ERCC5: variants seen among roughly 807,000 people sequenced by gnomAD.
ERCC5 encodes the protein ERCC excision repair 5, endonuclease.
In ERCC5, 68 loss-of-function variants were observed where a neutral mutation model predicts 105.6. The observed-to-expected ratio is 0.64, with a 90% CI of 0.53 to 0.79. The LOEUF (loss-of-function observed/expected upper bound fraction) is 0.79. Among genes scored for constraint, ERCC5 ranks in the 30% least tolerant of loss-of-function variants. The probability of loss-of-function intolerance (pLI) is 0.00; values close to 1 mark genes in which losing one functional copy is unlikely to be tolerated. For synonymous variants in ERCC5, 546 were observed against 526.2 expected, an observed-to-expected ratio of 1.04 and a Z score of -0.51; for missense variants, 1,373 against 1,426.7, an observed-to-expected ratio of 0.96 and a Z score of 0.61.
intron 4 of ERCC5, among the ~76,000 whole-genome samples, chr13:102,855,706 A>G (rs1435585380): frequency 6.6e-6 from 1 of 152,176 alleles, no homozygotes; most frequent in Non-Finnish European, 1.5e-5. Flanking sequence ...ACTCTTCTCC[A>G]TGAACCTTCC....
intron 1 of ERCC5, among the ~76,000 whole-genome samples, chr13:102,847,870 G>C (rs1882037541): frequency 6.6e-6 from 1 of 152,180 alleles, no homozygotes; most frequent in Non-Finnish European, 1.5e-5. Flanking sequence ...AATTACTAAA[G>C]AGGACTGTGG....
chr13:102,861,175 G>T (rs907963759), intron 6 of ERCC5, among the ~76,000 whole-genome samples: 4 of 151,952 alleles, frequency 2.6e-5, no homozygotes, highest in African/African-American at 9.7e-5. Flanking sequence ...TTTTAGTAGA[G>T]ACAGGGTTTC....
At position 102,865,596 on chromosome 13, in the gene ERCC5, A is replaced by C; in HGVS notation, c.1955-71A>C. The stretch of plus-strand genomic sequence containing the variant: ...TAGCATTTTTCAGGTTCCTCCAGAA[A>C]GCTCTTGATGATTGCAGGATCATTT... On this transcript the variant is annotated intron_variant, in intron 8 of 14. Transcript: ENST00000652225. This position sits in a 1 kb window ranked among gnomAD's most constrained non-coding sequence, Gnocchi z 4.0. 6.3e-7 allele frequency: 1 copy of C among 1,592,504 alleles called. No homozygotes were observed. The highest frequency in any genetic ancestry group is 8.5e-7 in the Non-Finnish European group (1 of 1,169,622).
Position 102,858,330 on chromosome 13 carries a change from G to C in ERCC5, c.584G>C (p.Ser195Thr), listed in dbSNP as rs896939538. The change falls in exon 6 of 15, where the codon AGC becomes ACC. Residue 195 changes from serine to threonine, a missense_variant. Physicochemically the swap from Ser to Thr is moderately conservative, Grantham distance 58. This residue lies in a region of ERCC5 where 1,004 missense variants were observed against 1,059.7 expected (regional missense o/e 0.95). Transcript: ENST00000652225. ...GATATTGAGTCTGAGGACTTCAGCA[G>C]CCTGCCCCCTGAAGTAAAGCATGAA... ...AIDIESEDFS[S>T]LPPEVKHEIL... 5 of 1,614,108 alleles carry C rather than the reference G, an allele frequency of 3.1e-6. No individual in the cohort carries two copies. The highest frequency in any genetic ancestry group is 3.3e-5 in the Admixed American group (2 of 60,026).
At chr13:102,851,851 G>C (rs1882218200) in intron 1 of ERCC5, among the ~76,000 whole-genome samples, 1 of 151,322 alleles carries the variant, frequency 6.6e-6, no homozygotes, top group Non-Finnish European at 1.5e-5. Context: ...TTTTAAAGAA[G>C]CAATTCTTTG....
chr13:102,869,754 A>G (rs1299453347), intron 12 of ERCC5, among the ~76,000 whole-genome samples: 4 of 152,208 alleles, frequency 2.6e-5, no homozygotes, highest in South Asian at 2.1e-4. Context: ...TTCTTATCTA[A>G]TGATTATTTT....
At chr13:102,870,377 C>T (rs1471441988) in intron 12 of ERCC5, among the ~76,000 whole-genome samples, 2 of 152,126 alleles carry the variant, frequency 1.3e-5, no homozygotes, top group Non-Finnish European at 2.9e-5. Flanking sequence ...ACAGCAGTTC[C>T]CCTCCCCTAC....
intron 5 of ERCC5, among the ~76,000 whole-genome samples, chr13:102,857,554 A>T (rs1399935264): frequency 6.6e-6 from 1 of 152,212 alleles, no homozygotes; most frequent in Non-Finnish European, 1.5e-5. Context: ...TTTACTAATG[A>T]AGGATTTTAA....
At position 102,852,178 on chromosome 13, in the gene ERCC5, T is replaced by C. The variant is rs1377503714; in HGVS notation, c.149T>C (p.Ile50Thr). ...GTCCGGGATCGCCATGGGAACTCAA[T>C]AGAAAATCCTCATCTTCTCACTTTG... ...KGVRDRHGNS[I>T]ENPHLLTLFH... The change falls in exon 2 of 15, where the codon ATA (isoleucine) becomes ACA (threonine). Residue 50 changes from isoleucine (I) to threonine (T), a missense_variant. Around this residue, in one of 3 missense-constraint regions of ERCC5, gnomAD observed 1,004 missense variants for 1,059.7 expected, o/e 0.95. Coordinates refer to ENST00000652225, the MANE Select transcript of ERCC5 (RefSeq NM_000123.4). 2.5e-6 allele frequency: 4 copies of C among 1,614,138 alleles called. No individual in the cohort carries two copies. The highest frequency in any genetic ancestry group is 2.2e-5 in the East Asian group (1 of 44,870).
chr13:102,859,763 T>A (rs535515037), intron 6 of ERCC5, among the ~76,000 whole-genome samples: 15 of 152,344 alleles, frequency 9.8e-5, no homozygotes, highest in African/African-American at 3.6e-4. Flanking sequence ...GTGATCTGTA[T>A]GTCGTGCAAA....
intron 1 of ERCC5, chr13:102,849,144 C>A: frequency 1.9e-6 from 1 of 518,934 alleles, no homozygotes. Context: ...GCAGAAACAT[C>A]GATCTAATAC....
chr13:102,850,799 C>T (rs1365494603), intron 1 of ERCC5, among the ~76,000 whole-genome samples: 1 of 151,864 alleles, frequency 6.6e-6, no homozygotes, highest in African/African-American at 2.4e-5. Flanking sequence ...GTGCTCTGGG[C>T]CAGACATATA....
chr13:102,865,342 G>C lies in ERCC5; in HGVS notation c.1955-325G>C, dbSNP rs1256862566. On this transcript the variant is annotated intron_variant, in intron 8 of 14. Coordinates refer to ENST00000652225, the MANE Select transcript of ERCC5 (RefSeq NM_000123.4). The surrounding 1 kb of genome is among the most constrained non-coding windows in gnomAD (Gnocchi z 4.0). The stretch of plus-strand genomic sequence containing the variant: ...ACTTCCATGATTGTTTATATACTTT[G>C]ATAATCCTCCTTTTTGAATTTTTAA... The C allele has an allele frequency of 2.8e-6, 1 of 355,602 alleles. No homozygotes were observed. Among genetic ancestry groups the C allele is most frequent in the Admixed American group, 4.0e-5 (1 of 24,854 alleles). 22.0% of individuals were successfully genotyped at this position (355,602 alleles called of 1,614,324 possible). A position where few individuals can be genotyped will look rare whatever the true frequency, so the allele number is the denominator to read the frequency against.
intron 10 of ERCC5, 114 bp from the exon 11 acceptor site, chr13:102,866,518 C>T: frequency 5.0e-6 from 8 of 1,599,880 alleles, no homozygotes; most frequent in Non-Finnish European, 6.8e-6. Context: ...CACTGTGTGT[C>T]CCTAACTCTG....
chr13:102,861,975 G>A, intron 7 of ERCC5, 55 bp from the exon 8 acceptor site: 1 of 1,597,042 alleles, frequency 6.3e-7, no homozygotes, highest in Non-Finnish European at 8.6e-7. Flanking sequence ...CTTACTAGAA[G>A]CGTATTGTCA....
chr13:102,853,627 TAGG>T, intron 2 of ERCC5, 127 bp from the exon 3 acceptor site: 1 of 876,484 alleles, frequency 1.1e-6, no homozygotes, highest in Middle Eastern at 2.3e-4. Flanking sequence ...ATATGGCAAT[TAGG>T]AGGAAATGCT....
chr13:102,854,183 C>T (rs1464070772), intron 3 of ERCC5, 105 bp from the exon 4 acceptor site: 1 of 1,217,676 alleles, frequency 8.2e-7, no homozygotes, highest in Non-Finnish European at 1.2e-6. Flanking sequence ...CTCTCGGCTG[C>T]ATTTATTTTC....
Position 102,853,761 on chromosome 13 carries a change from A to G in ERCC5, c.269A>G (p.Lys90Arg), listed in dbSNP as rs1161941665. The change falls in exon 3 of 15, where the codon AAG (lysine) becomes AGG (arginine). Residue 90 changes from lysine (K) to arginine (R), a missense_variant. Transcript: ENST00000652225. ...TTACATCCTTTCTTCTCATAGGTGA[A>G]GAGAAGGCAGAGAAAGGACTTAGCG... is the stretch of plus-strand genomic sequence containing the variant. The part of the protein sequence containing the change: ...APLLKKQTLV[K>R]RRQRKDLASS... The G allele has an allele frequency of 6.8e-6, 11 of 1,612,734 alleles. No homozygotes were observed. The highest frequency in any genetic ancestry group is 8.5e-6 in the Non-Finnish European group (10 of 1,178,850).
Position 102,875,359 on chromosome 13 carries a change from A to G in ERCC5, c.3017A>G (p.Asp1006Gly), listed in dbSNP as rs2140542984. 3.1e-6 allele frequency: 5 copies of G among 1,613,992 alleles called. No individual in the cohort carries two copies. Among genetic ancestry groups the G allele is most frequent in the East Asian group, 2.2e-5 (1 of 44,882 alleles). The change falls in exon 15 of 15, where the codon GAT (aspartate) becomes GGT (glycine). Residue 1006 changes from aspartate to glycine, a missense_variant. By Grantham distance (94) the Asp-to-Gly change is moderately conservative (BLOSUM62 -1). Transcript: ENST00000652225. ...AGATTAGCACAACAGGAGAAAGAAG[A>G]TGCTAAACGTATTAAGAGCCAGAGA... ...FFRLAQQEKE[D>G]AKRIKSQRLN...
Sources: gnomAD v4.1 joint callset for allele counts (sites outside exome capture counted in the v4.1 genomes callset) on GRCh38, gnomAD v4.1.1 for gene constraint, gnomAD v4.1.1 regional missense constraint, Gnocchi (gnomAD v3.1) non-coding constraint, MANE v1.5 for transcripts, NCBI Gene and HGNC (gene_info 2026-07-23, HGNC 2026-07-21) for gene names.